QTMAN: variants seen among roughly 807,000 people sequenced by gnomAD.
QTMAN encodes the protein queuosine-tRNA mannosyltransferase.
At chr2:143,957,269 A>G in the QTMAN span, 1 of 1,612,904 alleles carries the variant, frequency 6.2e-7, no homozygotes, top group South Asian at 1.1e-5. Flanking sequence ...GGAAATAGTC[A>G]TCTTTGCTGG....
the QTMAN span, among the ~76,000 whole-genome samples, chr2:144,299,203 C>A: frequency 6.6e-6 from 1 of 152,172 alleles, no homozygotes; most frequent in East Asian, 1.9e-4. Flanking sequence ...GATTCAGAGA[C>A]CCCTAACTTG....
At chr2:144,170,895 G>C in the QTMAN span, among the ~76,000 whole-genome samples, 2 of 152,026 alleles carry the variant, frequency 1.3e-5, no homozygotes, top group African/African-American at 4.8e-5. Flanking sequence ...CCTTTCAAAA[G>C]TTTCCATGAC....
At chr2:144,060,932 T>C in the QTMAN span, among the ~76,000 whole-genome samples, 3 of 152,330 alleles carry the variant, frequency 2.0e-5, no homozygotes, top group South Asian at 6.2e-4. Flanking sequence ...AATAATGGTC[T>C]GAACTAACTT....
chr2:144,016,642 G>A, the QTMAN span, among the ~76,000 whole-genome samples: 1 of 152,176 alleles, frequency 6.6e-6, no homozygotes, highest in South Asian at 2.1e-4. Context: ...TTTAGGGGAA[G>A]CCATCATTTG....
chr2:143,968,388 G>C, the QTMAN span, among the ~76,000 whole-genome samples: 2 of 136,166 alleles, frequency 1.5e-5, no homozygotes, highest in African/African-American at 2.7e-5. Context: ...ACAGTGCTCA[G>C]TAAGTATGTG....
At chr2:144,318,507 G>C in the QTMAN span, among the ~76,000 whole-genome samples, 1 of 152,168 alleles carries the variant, frequency 6.6e-6, no homozygotes, top group African/African-American at 2.4e-5. Flanking sequence ...ACCATGAAAT[G>C]AAATCAATTC....
chr2:144,206,432 A>G, the QTMAN span, among the ~76,000 whole-genome samples: 3 of 152,178 alleles, frequency 2.0e-5, no homozygotes, highest in Non-Finnish European at 4.4e-5. Context: ...TCATGCTATC[A>G]AGTTTTCATG....
chr2:144,142,008 G>A, the QTMAN span: 2 of 1,609,810 alleles, frequency 1.2e-6, no homozygotes. Flanking sequence ...AGTGAGAAAT[G>A]ATTCCATATT....
chr2:144,160,904 A>C, the QTMAN span, among the ~76,000 whole-genome samples: 20 of 152,166 alleles, frequency 1.3e-4, no homozygotes, highest in African/African-American at 4.8e-4. Flanking sequence ...CTGGAAATTC[A>C]CCTAACTCAA....
At chr2:144,118,197 A>T in the QTMAN span, among the ~76,000 whole-genome samples, 1 of 152,120 alleles carries the variant, frequency 6.6e-6, no homozygotes, top group African/African-American at 2.4e-5. Flanking sequence ...ATTTCATATG[A>T]CTTGAAATGT....
chr2:144,005,173 T>C, the QTMAN span, among the ~76,000 whole-genome samples: 350 of 152,162 alleles, frequency 2.3e-3, no homozygotes, highest in Non-Finnish European at 3.6e-3. Flanking sequence ...TTGTATACTC[T>C]CAAAGGTAAA....
the QTMAN span, among the ~76,000 whole-genome samples, chr2:144,004,984 T>C: frequency 6.6e-6 from 1 of 152,124 alleles, no homozygotes; most frequent in East Asian, 1.9e-4. Context: ...CAGTGACAGA[T>C]GGTTATGGGC....
At chr2:144,001,269 T>G in the QTMAN span, among the ~76,000 whole-genome samples, 1 of 151,984 alleles carries the variant, frequency 6.6e-6, no homozygotes, top group Non-Finnish European at 1.5e-5. Flanking sequence ...CAATCATATA[T>G]TTTGTTAGAA....
At chr2:144,290,402 G>C in the QTMAN span, among the ~76,000 whole-genome samples, 45 of 152,106 alleles carry the variant, frequency 3.0e-4, no homozygotes, top group African/African-American at 1.0e-3. Flanking sequence ...ACTTCTATCA[G>C]CTCTGGCTAA....
At chr2:144,060,114 C>T in the QTMAN span, among the ~76,000 whole-genome samples, 9 of 151,766 alleles carry the variant, frequency 5.9e-5, no homozygotes, top group South Asian at 1.7e-3. Context: ...GGAAAGAATC[C>T]CATCAAACTT....
the QTMAN span, among the ~76,000 whole-genome samples, chr2:144,051,301 T>C: frequency 6.6e-6 from 1 of 151,966 alleles, no homozygotes; most frequent in Non-Finnish European, 1.5e-5. Flanking sequence ...GAGGCCAAAG[T>C]AGGAGGACTA....
the QTMAN span, among the ~76,000 whole-genome samples, chr2:144,047,000 G>A: frequency 1.3e-5 from 2 of 152,136 alleles, no homozygotes; most frequent in South Asian, 4.1e-4. Flanking sequence ...ACCGGGCGTG[G>A]TGGCTCACAC....
chr2:144,038,877 T>C, the QTMAN span, among the ~76,000 whole-genome samples: 279 of 152,346 alleles, frequency 1.8e-3, no homozygotes, highest in African/African-American at 6.4e-3. Context: ...AAACACAACA[T>C]GTAGAAGAAC....
chr2:143,988,983 T>C, the QTMAN span, among the ~76,000 whole-genome samples: 1 of 152,214 alleles, frequency 6.6e-6, no homozygotes. Flanking sequence ...AAATGACTTG[T>C]ATATAAAATA....
Sources: allele counts gnomAD v4.1 joint callset (sites outside exome capture counted in the v4.1 genomes callset), GRCh38; gene constraint gnomAD v4.1.1; transcripts MANE v1.5; gene names NCBI Gene and HGNC (gene_info 2026-07-23, HGNC 2026-07-21).